Variants in OLFM3 observed in about 807,000 individuals in gnomAD.
OLFM3 encodes olfactomedin 3.
OLFM3 carries 20 observed loss-of-function variants against 48.6 expected under a neutral mutation model. That is an observed-to-expected ratio of 0.41 (90% CI 0.29 to 0.60). The LOEUF (loss-of-function observed/expected upper bound fraction) is 0.60, where lower values mean the gene tolerates loss of function less well. OLFM3 is among the 20% of genes least tolerant of loss of function. The pLI is 0.28. For synonymous variants in OLFM3, 222 were observed against 198.1 expected, an observed-to-expected ratio of 1.12 and a Z score of -1.01; for missense variants, 437 against 544.3, an observed-to-expected ratio of 0.80 and a Z score of 1.96.
Position 101,895,681 on chromosome 1 carries a change from T to C in OLFM3, c.70-58656A>G, listed in dbSNP as rs184995002. Reference sequence around the variant, plus strand: ...GATCTCCCAAGCAGTGGTTTACAAATTGTGTGGCTTCACTACTATTAGGCT... The same window carrying C: ...GATCTCCCAAGCAGTGGTTTACAAACTGTGTGGCTTCACTACTATTAGGCT... On this transcript the variant is annotated intron_variant, in intron 1 of 5. Coordinates refer to ENST00000370103, the MANE Select transcript of OLFM3 (RefSeq NM_058170.4). 2.6e-5 allele frequency among the ~76,000 whole-genome samples: 4 copies of C among 152,238 alleles called. No homozygotes were observed. The East Asian group carries it at 7.7e-4, about 29-fold the overall frequency.
intron 1 of OLFM3, among the ~76,000 whole-genome samples, chr1:101,982,315 T>C (rs75675160): frequency 0.027 from 4,100 of 152,270 alleles, 71 homozygotes; most frequent in Admixed American, 0.034. Flanking sequence ...TGAGGTAAGA[T>C]ATGAATTGGG....
At chr1:101,843,916 C>CTGCGTG (rs373240312) in intron 1 of OLFM3, among the ~76,000 whole-genome samples, 260 of 152,162 alleles carry the variant, frequency 1.7e-3, no homozygotes, top group African/African-American at 5.5e-3. Flanking sequence ...ATTTCAAGAC[C>CTGCGTG]TGCGTGTGCG....
At chr1:101,949,669 G>T (rs533126733) in intron 1 of OLFM3, among the ~76,000 whole-genome samples, 27 of 152,200 alleles carry the variant, frequency 1.8e-4, no homozygotes, top group African/African-American at 6.3e-4. Flanking sequence ...GGTGGCTCAC[G>T]CCTGTAATCC....
intron 1 of OLFM3, among the ~76,000 whole-genome samples, chr1:101,847,231 T>C (rs1187159489): frequency 6.6e-6 from 1 of 152,178 alleles, no homozygotes; most frequent in Non-Finnish European, 1.5e-5. Context: ...TTGGTAATTA[T>C]CAGAGAGCAG....
intron 1 of OLFM3, among the ~76,000 whole-genome samples, chr1:101,937,541 A>AT (rs750164471): frequency 6.6e-6 from 1 of 152,134 alleles, no homozygotes; most frequent in Non-Finnish European, 1.5e-5. Context: ...TGATGGTTTT[A>AT]TAAGAAGGAG....
At chr1:101,921,878 T>C (rs11164336) in intron 1 of OLFM3, among the ~76,000 whole-genome samples, 54,325 of 151,836 alleles carry the variant, frequency 0.36, 9,881 homozygotes, top group African/African-American at 0.44. Context: ...GCCAACATGA[T>C]GAAACCCCAC....
chr1:101,813,218 G>T, intron 4 of OLFM3: 2 of 518,426 alleles, frequency 3.9e-6, no homozygotes, highest in Non-Finnish European at 6.2e-6. Context: ...ACATAGCAAT[G>T]AGTGCACTAA....
chr1:101,869,661 C>T (rs916607115), intron 1 of OLFM3, among the ~76,000 whole-genome samples: 1 of 152,110 alleles, frequency 6.6e-6, no homozygotes, highest in Admixed American at 6.5e-5. Context: ...TGTCGTCACC[C>T]AAATCTCACC....
chr1:101,973,424 G>A (rs1033222114), intron 1 of OLFM3, among the ~76,000 whole-genome samples: 5 of 152,172 alleles, frequency 3.3e-5, no homozygotes, highest in East Asian at 3.9e-4. Context: ...GCTCACTCGC[G>A]TTGTCCAGGG....
intron 3 of OLFM3, among the ~76,000 whole-genome samples, chr1:101,826,213 G>C (rs932799861): frequency 6.6e-6 from 1 of 150,640 alleles, no homozygotes; most frequent in Non-Finnish European, 1.5e-5. Context: ...ACCCCTAGCC[G>C]TAACAGGACT....
At chr1:101,994,671 A>G (rs1413191150) in intron 1 of OLFM3, among the ~76,000 whole-genome samples, 1 of 150,824 alleles carries the variant, frequency 6.6e-6, no homozygotes, top group Non-Finnish European at 1.5e-5. Context: ...GTTTTGTCTA[A>G]AAGTCCTAAA....
intron 1 of OLFM3, among the ~76,000 whole-genome samples, chr1:101,988,346 AG>A (rs1661308947): frequency 6.6e-6 from 1 of 152,148 alleles, no homozygotes; most frequent in Admixed American, 6.5e-5. Context: ...GATAATTCAC[AG>A]GAGTATTGAA....
Position 101,923,798 on chromosome 1 carries a change from C to T in OLFM3, c.69+72950G>A, listed in dbSNP as rs568714584. ...TAGACAGTTACAGTTACAGTGGTTT[C>T]CCTTCAATAGGTTGGGACTGTGTTT... is the stretch of plus-strand genomic sequence containing the variant. On this transcript the variant is annotated intron_variant, in intron 1 of 5. Coordinates refer to ENST00000370103, the MANE Select transcript of OLFM3 (RefSeq NM_058170.4). Among the ~76,000 whole-genome samples the T allele has an allele frequency of 2.4e-4, 36 of 152,154 alleles. No individual in the cohort carries two copies. In the South Asian group the frequency reaches 5.2e-3, roughly 22 times the overall value.
At chr1:101,845,850 C>T (rs1655968021) in intron 1 of OLFM3, among the ~76,000 whole-genome samples, 1 of 152,170 alleles carries the variant, frequency 6.6e-6, no homozygotes, top group Non-Finnish European at 1.5e-5. Context: ...AGACTATACT[C>T]AGTTGATTAA....
chr1:101,996,926 T>A lies in OLFM3; in HGVS notation c.-110A>T. Reference sequence around the variant, plus strand: ...TTTCTGCCTGCCAGTCAGAGCCGAGTGGAAGCAGAGGCGGCGGCAGCAGCA... The same window carrying A: ...TTTCTGCCTGCCAGTCAGAGCCGAGAGGAAGCAGAGGCGGCGGCAGCAGCA... On this transcript the variant is annotated 5_prime_UTR_variant, in exon 1 of 6. Coordinates refer to ENST00000370103, the MANE Select transcript of OLFM3 (RefSeq NM_058170.4). 2 of 1,176,762 alleles carry A rather than the reference T, an allele frequency of 1.7e-6. No homozygotes were observed. Among genetic ancestry groups the A allele is most frequent in the Non-Finnish European group, 2.5e-6 (2 of 800,668 alleles). The allele number at this position is 1,176,762 out of a possible 1,614,324, so 72.9% of individuals were successfully genotyped here.
chr1:101,809,497 T>G (rs1653943474), intron 4 of OLFM3, among the ~76,000 whole-genome samples: 2 of 151,930 alleles, frequency 1.3e-5, no homozygotes, highest in Non-Finnish European at 2.9e-5. Flanking sequence ...TTCCAAAAAT[T>G]TACCTACAAT....
chr1:101,873,549 G>A (rs2100979681), intron 1 of OLFM3, among the ~76,000 whole-genome samples: 1 of 151,948 alleles, frequency 6.6e-6, no homozygotes, highest in South Asian at 2.1e-4. Flanking sequence ...AATGTAACTG[G>A]CTGGGGCCCA....
chr1:101,968,390 G>A (rs1468740045), intron 1 of OLFM3, among the ~76,000 whole-genome samples: 1 of 152,030 alleles, frequency 6.6e-6, no homozygotes, highest in East Asian at 1.9e-4. Flanking sequence ...AGTGAGCTTA[G>A]GTTTTCCAAT....
Position 101,825,081 on chromosome 1 carries a change from T to C in OLFM3, c.537A>G (p.Leu179=). 3 of 1,614,144 alleles carry C rather than the reference T, an allele frequency of 1.9e-6. No individual in the cohort carries two copies. The highest frequency in any genetic ancestry group is 2.5e-6 in the Non-Finnish European group (3 of 1,179,972). ...EEIGAYDYEE[L]HQRVLSLETR... is the part of the protein sequence containing the mutation. ...TTTCCAAGCTCAGCACTCTTTGGTG[T>C]AGTTCCTCGTAGTCATAGGCACCAA... is the stretch of plus-strand genomic sequence containing the variant. The change falls in exon 4 of 6, where the codon CTA becomes CTG. Residue 179 remains leucine (L), a synonymous_variant. Transcript: ENST00000370103.
Sources: gnomAD v4.1 joint callset for allele counts (sites outside exome capture counted in the v4.1 genomes callset) on GRCh38, gnomAD v4.1.1 for gene constraint, MANE v1.5 for transcripts, NCBI Gene and HGNC (gene_info 2026-07-23, HGNC 2026-07-21) for gene names.